The following SLC44A5 variants were observed in gnomAD, a reference collection of about 807,000 sequenced individuals.
The protein encoded by SLC44A5 is solute carrier family 44 member 5, also known as choline transporter-like protein 5.
Under a neutral mutation model 101.8 loss-of-function variants are expected in SLC44A5, and 57 were observed. That is an observed-to-expected ratio of 0.56 (90% CI 0.45 to 0.70). The LOEUF is 0.70. SLC44A5 is among the 30% of genes least tolerant of loss of function. The pLI is 0.00. For synonymous variants in SLC44A5, 281 were observed against 290.9 expected, an observed-to-expected ratio of 0.97 and a Z score of 0.35; for missense variants, 737 against 853.1, an observed-to-expected ratio of 0.86 and a Z score of 1.70.
intron 1 of SLC44A5, among the ~76,000 whole-genome samples, chr1:75,606,747 A>C (rs1333354510): frequency 1.3e-5 from 2 of 151,996 alleles, no homozygotes; most frequent in Non-Finnish European, 2.9e-5. Context: ...TACAATGGCC[A>C]TTTCTCAACC....
At chr1:75,583,976 GTCAC>G (rs1673851617) in intron 1 of SLC44A5, among the ~76,000 whole-genome samples, 2 of 152,362 alleles carry the variant, frequency 1.3e-5, no homozygotes, top group African/African-American at 4.8e-5. Flanking sequence ...GGAGGAGATT[GTCAC>G]TCAATGTCCC....
the SLC44A5 span, among the ~76,000 whole-genome samples, chr1:75,636,217 TATC>T: frequency 3.9e-5 from 6 of 152,058 alleles, no homozygotes; most frequent in Admixed American, 6.6e-5. Flanking sequence ...TCTGAACTGT[TATC>T]ATATATATAA....
At chr1:75,414,855 A>T (rs1369787329) in intron 2 of SLC44A5, among the ~76,000 whole-genome samples, 3 of 152,246 alleles carry the variant, frequency 2.0e-5, no homozygotes, top group Non-Finnish European at 2.9e-5. Context: ...AGGCAGAGAC[A>T]ATAGTAAGAA....
In SLC44A5 at chr1:75,441,058, T is replaced by C. The variant is rs1305013847; in HGVS notation, c.14-44437A>G. Reference sequence around the variant, plus strand: ...AGCATACATAACACAAGAAGGTTAATTACAGCACAAATGTTCTGGAATCCT... The same window carrying C: ...AGCATACATAACACAAGAAGGTTAACTACAGCACAAATGTTCTGGAATCCT... On this transcript the variant is annotated intron_variant, in intron 2 of 23. Transcript: ENST00000370859. 3.3e-5 allele frequency among the ~76,000 whole-genome samples: 5 copies of C among 152,200 alleles called. No homozygotes were observed. The East Asian group carries it at 9.6e-4, about 29-fold the overall frequency.
chr1:75,594,856 A>C (rs35425390), intron 1 of SLC44A5, among the ~76,000 whole-genome samples: 7 of 151,688 alleles, frequency 4.6e-5, no homozygotes, highest in Non-Finnish European at 1.0e-4. Flanking sequence ...AATAAAGTCA[A>C]TATTTATTTT....
At chr1:75,417,299 T>G (rs894446853) in intron 2 of SLC44A5, among the ~76,000 whole-genome samples, 3 of 152,172 alleles carry the variant, frequency 2.0e-5, no homozygotes, top group African/African-American at 7.2e-5. Context: ...CCACCATCCA[T>G]GTAAGATGTG....
rs1043409630 is a variant in SLC44A5, at chr1:75,584,338, C to T, written c.-70+26702G>A. 4.6e-5 allele frequency among the ~76,000 whole-genome samples: 7 copies of T among 152,304 alleles called. 1 individual carries two copies. Among genetic ancestry groups the T allele is most frequent in the African/African-American group, 1.7e-4 (7 of 41,568 alleles). ...ATAAATTAATCTGTTTCAGTCACTG[C>T]ACTGGCAAACTAGTCTAGGTACCGT... On this transcript the variant is annotated intron_variant, in intron 1 of 23. Transcript: ENST00000370859.
chr1:75,457,287 A>G (rs1666240510), intron 2 of SLC44A5, among the ~76,000 whole-genome samples: 1 of 152,206 alleles, frequency 6.6e-6, no homozygotes, highest in Admixed American at 6.5e-5. Flanking sequence ...GAGGAGAAAG[A>G]CAAGTAAACC....
chr1:75,536,356 T>A (rs1671001099), intron 2 of SLC44A5, among the ~76,000 whole-genome samples: 1 of 151,980 alleles, frequency 6.6e-6, no homozygotes, highest in South Asian at 2.1e-4. Context: ...TCCCAGCCCT[T>A]TGGGAGGCCG....
At chr1:75,372,819 G>A (rs1660317682) in intron 3 of SLC44A5, among the ~76,000 whole-genome samples, 1 of 152,126 alleles carries the variant, frequency 6.6e-6, no homozygotes, top group Admixed American at 6.5e-5. Flanking sequence ...TAATGAAATA[G>A]CTTTGGTTGT....
At chr1:75,475,371 T>G (rs1276444734) in intron 2 of SLC44A5, among the ~76,000 whole-genome samples, 1 of 152,248 alleles carries the variant, frequency 6.6e-6, no homozygotes, top group Non-Finnish European at 1.5e-5. Flanking sequence ...TATTACCTCT[T>G]GTTTTGCTAC....
At position 75,219,324 on chromosome 1, in the gene SLC44A5, A is replaced by G. The variant is rs1203992209; in HGVS notation, c.1199T>C (p.Val400Ala). 1.9e-6 allele frequency: 3 copies of G among 1,612,660 alleles called. No individual in the cohort carries two copies. In the East Asian group the frequency reaches 6.7e-5, roughly 36 times the overall value. Reference sequence around the variant, plus strand: ...TGGAGCTATGACTTTGTATACAGGTACCCCCGATGTCGCCAAGAAACTGAA... The same window carrying G: ...TGGAGCTATGACTTTGTATACAGGTGCCCCCGATGTCGCCAAGAAACTGAA... Reference protein sequence around the residue: ...VTAVFLATSGVPVYKVIAPGG... With the variant: ...VTAVFLATSGAPVYKVIAPGG... Residue 400 changes from valine (V) to alanine (A), a missense_variant, in exon 16 of 24, where the codon GTA (valine) becomes GCA (alanine). This residue lies in a region of SLC44A5 where 665 missense variants were observed against 764.4 expected (regional missense o/e 0.87). Coordinates refer to ENST00000370859, the MANE Select transcript of SLC44A5 (RefSeq NM_001130058.2).
chr1:75,559,563 C>T (rs1672406690), intron 1 of SLC44A5, among the ~76,000 whole-genome samples: 1 of 152,136 alleles, frequency 6.6e-6, no homozygotes, highest in South Asian at 2.1e-4. Context: ...ACTGGGATGA[C>T]ATTTCATTCA....
At chr1:75,374,128 A>C (rs917020069) in intron 3 of SLC44A5, among the ~76,000 whole-genome samples, 1 of 152,200 alleles carries the variant, frequency 6.6e-6, no homozygotes, top group African/African-American at 2.4e-5. Context: ...GGACAAGTCT[A>C]GCTGGTTGGG....
intron 23 of SLC44A5, among the ~76,000 whole-genome samples, chr1:75,204,210 C>T (rs1401981787): frequency 6.6e-6 from 1 of 151,900 alleles, no homozygotes; most frequent in East Asian, 1.9e-4. Flanking sequence ...AATAGTATAG[C>T]CTTGAAAAAT....
intron 2 of SLC44A5, among the ~76,000 whole-genome samples, chr1:75,416,194 A>G (rs1663631099): frequency 6.6e-6 from 1 of 152,172 alleles, no homozygotes; most frequent in Non-Finnish European, 1.5e-5. Context: ...GGCTACACCC[A>G]GGGTCTCCCT....
the SLC44A5 span, among the ~76,000 whole-genome samples, chr1:75,688,905 T>C: frequency 2.6e-5 from 4 of 152,194 alleles, no homozygotes; most frequent in Non-Finnish European, 5.9e-5. Flanking sequence ...TCAAGACTTA[T>C]GAGCCATTAA....
At chr1:75,632,037 T>G in the SLC44A5 span, among the ~76,000 whole-genome samples, 1 of 152,128 alleles carries the variant, frequency 6.6e-6, no homozygotes. Context: ...CTTGGGAAAT[T>G]TAATTTTAAG....
chr1:75,648,807 C>CATGTCCTTGG, the SLC44A5 span, among the ~76,000 whole-genome samples: 113,621 of 151,604 alleles, frequency 0.75, 42,907 homozygotes, highest in East Asian at 0.96. Flanking sequence ...TAAAACTTAA[C>CATGTCCTTGG]ATTATGAGCA....
Sources: allele counts gnomAD v4.1 joint callset (sites outside exome capture counted in the v4.1 genomes callset), GRCh38; gene constraint gnomAD v4.1.1; regional missense constraint gnomAD v4.1.1; transcripts MANE v1.5; gene names NCBI Gene and HGNC (gene_info 2026-07-23, HGNC 2026-07-21).